MYH13: variants seen among roughly 807,000 people sequenced by gnomAD.
MYH13 encodes the protein myosin heavy chain 13.
Under a neutral mutation model 232.1 loss-of-function variants are expected in MYH13, and 177 were observed. The observed-to-expected ratio is 0.76, with a 90% CI of 0.67 to 0.86. MYH13 has a LOEUF of 0.86. MYH13 is among the 40% of genes least tolerant of loss of function. MYH13 has a pLI of 0.00. For synonymous variants in MYH13, 884 were observed against 923.5 expected (o/e 0.96, Z 0.78); for missense variants, 2,246 against 2,405.9 (o/e 0.93, Z 1.39).
At chr17:10,309,147 G>T in intron 35 of MYH13, 87 bp downstream of exon 35, 1 of 1,366,408 alleles carries the variant, frequency 7.3e-7, no homozygotes, top group Non-Finnish European at 9.9e-7. Context: ...GGCCCTGAGT[G>T]GAGGGATAGC....
At chr17:10,364,207 A>G in intron 3 of MYH13, 120 bp downstream of exon 3, 1 of 1,065,230 alleles carries the variant, frequency 9.4e-7, no homozygotes, top group Non-Finnish European at 1.4e-6. Flanking sequence ...CGCAGAACAG[A>G]TAAACTAAGT....
chr17:10,362,027 A>G, intron 5 of MYH13, 91 bp downstream of exon 5: 1 of 1,607,442 alleles, frequency 6.2e-7, no homozygotes, highest in Non-Finnish European at 8.5e-7. Flanking sequence ...TCCTTTGATT[A>G]TTGCACCATT....
intron 18 of MYH13, among the ~76,000 whole-genome samples, chr17:10,338,699 T>G (rs199555822): frequency 1.6e-5 from 2 of 122,778 alleles, no homozygotes; most frequent in Admixed American, 8.1e-5. Context: ...GTTTTTTTTT[T>G]TTTTTTGTTT....
chr17:10,339,074 G>A (rs564501754), intron 18 of MYH13, among the ~76,000 whole-genome samples: 1 of 152,242 alleles, frequency 6.6e-6, no homozygotes, highest in Admixed American at 6.5e-5. Context: ...CGTGGTAATA[G>A]GTGAACTTTT....
At position 10,312,771 on chromosome 17, in the gene MYH13, A is replaced by G. The variant is rs754049150; in HGVS notation, c.4182-14T>C. ...GCCAGTTTTTTCCTACGAAAACCAG[A>G]TTTTTTTTTTCCCCTTCGCAAAGGT... is the stretch of plus-strand genomic sequence containing the variant. On this transcript the variant is annotated splice_polypyrimidine_tract_variant and intron_variant, in intron 30 of 40. Transcript: ENST00000252172. The G allele has an allele frequency of 6.6e-7, 1 of 1,524,542 alleles. No individual in the cohort carries two copies. The highest frequency in any genetic ancestry group is 8.9e-7 in the Non-Finnish European group (1 of 1,122,922). 94.4% of individuals were successfully genotyped at this position (1,524,542 alleles called of 1,614,324 possible).
chr17:10,303,163 CTG>C (rs1296117073), intron 39 of MYH13, 31 bp downstream of exon 39: 1 of 1,598,652 alleles, frequency 6.3e-7, no homozygotes, highest in Non-Finnish European at 8.6e-7. Context: ...GACTGTCTGT[CTG>C]TGGGCACTGC....
At chr17:10,328,176 C>G (rs1245558454) in intron 21 of MYH13, 55 bp from the exon 22 acceptor site, 16 of 1,588,364 alleles carry the variant, frequency 1.0e-5, no homozygotes, top group Non-Finnish European at 1.4e-5. Flanking sequence ...GGTCTCTGCA[C>G]CCCCAACCTG....
In MYH13 at chr17:10,360,078, A is replaced by G. The variant is rs1198869717; in HGVS notation, c.534-7T>C. On this transcript the variant is annotated splice_polypyrimidine_tract_variant and splice_region_variant and intron_variant, in intron 6 of 40. Transcript: ENST00000252172. ...CCCAGCCCCGGATTCTCCGCTGCCA[A>G]TTTAAAAGTAAACGGGATAAAGGAG... The G allele has an allele frequency of 1.2e-6, 2 of 1,613,998 alleles. No individual in the cohort carries two copies. The highest frequency in any genetic ancestry group is 1.3e-5 in the African/African-American group (1 of 74,902).
chr17:10,329,905 C>T (rs1035425695), intron 21 of MYH13, among the ~76,000 whole-genome samples: 4 of 151,478 alleles, frequency 2.6e-5, no homozygotes, highest in Admixed American at 1.3e-4. Context: ...GAGGCTGAGG[C>T]GGGAGAATCG....
intron 39 of MYH13, 70 bp downstream of exon 39, chr17:10,303,126 T>C (rs2142213802): frequency 3.6e-6 from 5 of 1,391,660 alleles, no homozygotes; most frequent in Non-Finnish European, 4.0e-6. Flanking sequence ...CCAACCAGGA[T>C]GGCGGGGACA....
intron 22 of MYH13, 130 bp from the exon 23 acceptor site, chr17:10,324,394 A>C: frequency 1.0e-6 from 1 of 990,842 alleles, no homozygotes; most frequent in South Asian, 1.6e-5. Context: ...ACATGCACGC[A>C]CATGTGCACA....
chr17:10,323,775 AAAAAAAAAAAAAAAGAAGAAG>A (rs1436577301), intron 23 of MYH13, among the ~76,000 whole-genome samples: 73 of 77,914 alleles, frequency 9.4e-4, no homozygotes, highest in African/African-American at 3.3e-3. Flanking sequence ...AAAAAAAAAA[AAAAAAAAAAAAAAAGAAGAAG>A]AAGAAGAAGA....
chr17:10,319,285 G>A, intron 26 of MYH13, 106 bp from the exon 27 acceptor site: 7 of 1,309,696 alleles, frequency 5.3e-6, no homozygotes, highest in Admixed American at 2.8e-5. Flanking sequence ...GAGGTGGGTG[G>A]GTCATTTGAG....
chr17:10,331,994 C>G, intron 20 of MYH13, 105 bp downstream of exon 20: 1 of 1,444,456 alleles, frequency 6.9e-7, no homozygotes, highest in South Asian at 1.3e-5. Context: ...TGGGCAAGGA[C>G]GGTCAGGTGG....
chr17:10,352,590 AAAAAAC>A (rs1430828103), intron 11 of MYH13, among the ~76,000 whole-genome samples: 1 of 151,922 alleles, frequency 6.6e-6, no homozygotes, highest in Non-Finnish European at 1.5e-5. Flanking sequence ...TCCATCTCAA[AAAAAAC>A]AAAAAACAAA....
chr17:10,302,197 A>G (rs1327855674), intron 39 of MYH13, among the ~76,000 whole-genome samples: 1 of 152,096 alleles, frequency 6.6e-6, no homozygotes, highest in Non-Finnish European at 1.5e-5. Flanking sequence ...TACTCATCCC[A>G]TGTGCGTGAA....
Position 10,311,954 on chromosome 17 carries a change from C to T in MYH13, c.4488G>A (p.Val1496=). ...CTCGCCTCAGTGTCTCTAACTGGTC[C>T]ACCACCTCCTCATAGGCATTCCTCA... ...FKMRNAYEEV[V]DQLETLRREN... The change falls in exon 32 of 41, where the codon GTG becomes GTA. Residue 1496 remains valine (V), a synonymous_variant. Transcript: ENST00000252172. The T allele has an allele frequency of 6.2e-7, 1 of 1,613,968 alleles. No individual in the cohort carries two copies. The highest frequency in any genetic ancestry group is 8.5e-7 in the Non-Finnish European group (1 of 1,179,896).
chr17:10,347,910 G>C lies in MYH13; in HGVS notation c.1145-1112C>G, dbSNP rs574380548. On this transcript the variant is annotated intron_variant, in intron 12 of 40. Coordinates refer to ENST00000252172, the MANE Select transcript of MYH13 (RefSeq NM_003802.3). ...TTTTTTTTTATTTTAGTAGAGATGG[G>C]GTTTCACCATGTTGGCCAGGATGGT... 6.6e-5 allele frequency among the ~76,000 whole-genome samples: 10 copies of C among 151,688 alleles called. No homozygotes were observed. In the East Asian group the frequency reaches 1.9e-3, roughly 29 times the overall value.
At position 10,360,249 on chromosome 17, in the gene MYH13, A is replaced by G; in HGVS notation, c.506-61T>C. 5 of 1,561,622 alleles carry G rather than the reference A, an allele frequency of 3.2e-6. No homozygotes were observed. In the South Asian group the frequency reaches 5.8e-5, roughly 18 times the overall value. On this transcript the variant is annotated intron_variant, in intron 5 of 40. Transcript: ENST00000252172. ...AACAACAAACAGAATGTTAAAATAA[A>G]GTAACATTGGGGGTGGTTGGAGAAC...
Sources: gnomAD v4.1 joint callset for allele counts (sites outside exome capture counted in the v4.1 genomes callset) on GRCh38, gnomAD v4.1.1 for gene constraint, MANE v1.5 for transcripts, NCBI Gene and HGNC (gene_info 2026-07-23, HGNC 2026-07-21) for gene names.